Variants in LBHD1 observed in about 807,000 individuals in gnomAD.
LBHD1 encodes LBH domain-containing protein 1.
LBHD1 carries 28 observed loss-of-function variants against 31.1 expected under a neutral mutation model. That is an observed-to-expected ratio of 0.90 (90% CI 0.67 to 1.24). The LOEUF (loss-of-function observed/expected upper bound fraction) is 1.24. LBHD1 is among the 50% of genes most tolerant of loss of function. The probability of loss-of-function intolerance (pLI) is 0.00; values close to 1 mark genes in which losing one functional copy is unlikely to be tolerated. For missense variants in LBHD1, 350 were observed against 323.0 expected (o/e 1.08, Z -0.64); for synonymous variants, 105 against 116.5 (o/e 0.90, Z 0.63).
In LBHD1 at chr11:62,671,863, A is replaced by C. The variant is rs772608580; in HGVS notation, c.-310T>G. On this transcript the variant is annotated 5_prime_UTR_variant, in exon 1 of 7. Coordinates refer to ENST00000354588, the MANE Select transcript of LBHD1 (RefSeq NM_024099.5). ...AGAGCGGCGGAAGCAGGAAATGCTA[A>C]AGGTAGAAGCAACTGGTAGTCCCGA... The C allele has an allele frequency of 1.2e-6, 2 of 1,614,010 alleles. No homozygotes were observed. Among genetic ancestry groups the C allele is most frequent in the Non-Finnish European group, 1.7e-6 (2 of 1,179,990 alleles).
chr11:62,671,341 G>T, intron 1 of LBHD1: 1 of 1,162,160 alleles, frequency 8.6e-7, no homozygotes, highest in Non-Finnish European at 1.1e-6. Flanking sequence ...GCGCTGTGTT[G>T]AAAACGCGCG....
chr11:62,666,649 CT>C (rs753016276), intron 4 of LBHD1: 3 of 1,614,026 alleles, frequency 1.9e-6, no homozygotes, highest in Non-Finnish European at 2.5e-6. Flanking sequence ...TGGGGGTGGA[CT>C]TTTCTCCTGT....
At chr11:62,665,467 A>G in intron 4 of LBHD1, 4 of 1,573,496 alleles carry the variant, frequency 2.5e-6, no homozygotes, top group South Asian at 1.1e-5. Flanking sequence ...CGCTCCCCGT[A>G]ATGTACGGAG....
rs112534450 is a variant in LBHD1, at chr11:62,665,752, G to T, written c.539-779C>A. 2,820 of 1,496,574 alleles carry T rather than the reference G, an allele frequency of 1.9e-3. 48 individuals carry two copies. In the African/African-American group the frequency reaches 0.034, roughly 18 times the overall value. The allele number at this position is 1,496,574 out of a possible 1,614,324, so 92.7% of individuals were successfully genotyped here. A position where few individuals can be genotyped will look rare whatever the true frequency, so the allele number is the denominator to read the frequency against. ...CTTTTTTCCGGGACTGCAGAGTTCG[G>T]GGAAGCTGTACGCCGCCTTTCGCTA... On this transcript the variant is annotated intron_variant, in intron 4 of 6. Coordinates refer to ENST00000354588, the MANE Select transcript of LBHD1 (RefSeq NM_024099.5).
At chr11:62,671,314 G>A (rs755883263) in intron 1 of LBHD1, 1 of 803,140 alleles carries the variant, frequency 1.2e-6, no homozygotes. Context: ...ATGTGTATGT[G>A]TGTAGATGCC....
chr11:62,663,187 T>G (rs597259), intron 6 of LBHD1, 28 bp from the exon 7 acceptor site: 135 of 1,613,774 alleles, frequency 8.4e-5, no homozygotes, highest in South Asian at 5.5e-5. Flanking sequence ...GGAAGTATTA[T>G]CCCAAATAAA....
In LBHD1 at chr11:62,671,600, C is replaced by T. The variant is rs1379608309; in HGVS notation, c.-47G>A. 2 of 1,484,208 alleles carry T rather than the reference C, an allele frequency of 1.3e-6. No homozygotes were observed. Among genetic ancestry groups the T allele is most frequent in the East Asian group, 2.3e-5 (1 of 42,946 alleles). The allele number at this position is 1,484,208 out of a possible 1,614,324, so 91.9% of individuals were successfully genotyped here. On this transcript the variant is annotated 5_prime_UTR_variant, in exon 1 of 7. Transcript: ENST00000354588. ...GCGCTCCGGATTCCAAACGTTTCCTCGAGCAGGTCCTCTCTAGCCGGCCGC... is the reference window on the plus strand; with the variant it reads ...GCGCTCCGGATTCCAAACGTTTCCTTGAGCAGGTCCTCTCTAGCCGGCCGC...
At chr11:62,665,299 C>A (rs1944765620) in intron 4 of LBHD1, 1 of 715,156 alleles carries the variant, frequency 1.4e-6, no homozygotes, top group East Asian at 2.7e-5. Flanking sequence ...AGGAGCTCCG[C>A]GGTGCGGGAG....
At chr11:62,665,368 C>T in intron 4 of LBHD1, 1 of 960,886 alleles carries the variant, frequency 1.0e-6, no homozygotes, top group Non-Finnish European at 1.6e-6. Context: ...CCAGATTGGG[C>T]GGCCGGGAGT....
intron 4 of LBHD1, chr11:62,666,980 G>GT: frequency 1.2e-6 from 2 of 1,614,148 alleles, no homozygotes; most frequent in East Asian, 2.2e-5. Context: ...TGGCTGGACT[G>GT]TGACTGTGCA....
intron 4 of LBHD1, chr11:62,665,976 C>G (rs367863343): frequency 6.3e-7 from 1 of 1,588,054 alleles, no homozygotes; most frequent in Admixed American, 1.7e-5. Flanking sequence ...GTGGAGAGGG[C>G]AAGGTGGGGG....
At position 62,671,763 on chromosome 11, in the gene LBHD1, A is replaced by T; in HGVS notation, c.-210T>A. 6.2e-7 allele frequency: 1 copy of T among 1,613,828 alleles called. No homozygotes were observed. Among genetic ancestry groups the T allele is most frequent in the South Asian group, 1.1e-5 (1 of 91,088 alleles). Reference sequence around the variant, plus strand: ...AGGCGGCCATGGATTCCTTGCGGAAAATGCTGATCTCAGTCGCAATGCTGG... The same window carrying T: ...AGGCGGCCATGGATTCCTTGCGGAATATGCTGATCTCAGTCGCAATGCTGG... On this transcript the variant is annotated 5_prime_UTR_variant, in exon 1 of 7. Coordinates refer to ENST00000354588, the MANE Select transcript of LBHD1 (RefSeq NM_024099.5).
intron 1 of LBHD1, chr11:62,671,095 G>C: frequency 2.9e-6 from 1 of 347,098 alleles, no homozygotes; most frequent in Non-Finnish European, 5.7e-6. Context: ...GCGAGACCTT[G>C]TCTCCAAAAA....
intron 1 of LBHD1, chr11:62,670,782 G>C (rs1026491775): frequency 6.5e-6 from 1 of 152,884 alleles, no homozygotes; most frequent in African/African-American, 2.4e-5. Flanking sequence ...GTGGTGGCGG[G>C]CGCCTGTAGT....
At chr11:62,666,182 C>A in intron 4 of LBHD1, 1 of 709,408 alleles carries the variant, frequency 1.4e-6, no homozygotes, top group Non-Finnish European at 2.3e-6. Context: ...ACCCTGTCTA[C>A]AAAAAAAATT....
At position 62,667,083 on chromosome 11, in the gene LBHD1, C is replaced by G. The variant is rs758116592; in HGVS notation, c.538+440G>C. On this transcript the variant is annotated intron_variant, in intron 4 of 6. Coordinates refer to ENST00000354588, the MANE Select transcript of LBHD1 (RefSeq NM_024099.5). ...TTTAGTAGTCCTGACCCTAGTATTTCTGTGGGCAAGGAGAGGGCTGAAGAA... is the reference window on the plus strand; with the variant it reads ...TTTAGTAGTCCTGACCCTAGTATTTGTGTGGGCAAGGAGAGGGCTGAAGAA... 3.3e-6 allele frequency: 5 copies of G among 1,534,394 alleles called. No individual in the cohort carries two copies. In the Admixed American group the frequency reaches 1.1e-4, roughly 32 times the overall value.
chr11:62,667,734 G>A lies in LBHD1; in HGVS notation c.327C>T (p.Ser109=). ...TTAAAGGACTTCTAGGGTCCTGTGG[G>A]CTCCAAGCCCAGCCTGGGATGGAGG... ...DQSEEPGWAW[S]PQDPRSPLRT... The change falls in exon 4 of 7, where the codon AGC becomes AGT. Residue 109 remains serine, a synonymous_variant. Coordinates refer to ENST00000354588, the MANE Select transcript of LBHD1 (RefSeq NM_024099.5). The A allele has an allele frequency of 1.2e-6, 2 of 1,606,212 alleles. No individual in the cohort carries two copies. The highest frequency in any genetic ancestry group is 2.2e-5 in the South Asian group (2 of 90,946).
rs1275403982 is a variant in LBHD1 at position 62,667,729 on chromosome 11, T to G, written c.332A>C (p.Gln111Pro). ...SEEPGWAWSPQDPRSPLRTFN... is the reference protein window; with the variant it reads ...SEEPGWAWSPPDPRSPLRTFN... ...TGTTCTTAAAGGACTTCTAGGGTCC[T>G]GTGGGCTCCAAGCCCAGCCTGGGAT... The change falls in exon 4 of 7, where the codon CAG becomes CCG. Residue 111 changes from glutamine (Q) to proline (P), a missense_variant. Gln to Pro is a moderately conservative substitution (Grantham distance 76). Transcript: ENST00000354588. 37 of 1,608,552 alleles carry G rather than the reference T, an allele frequency of 2.3e-5. No homozygotes were observed. The Middle Eastern group carries it at 6.6e-4, about 29-fold the overall frequency.
intron 4 of LBHD1, 107 bp downstream of exon 4, chr11:62,667,416 C>G (rs1253501311): frequency 8.5e-7 from 1 of 1,178,856 alleles, no homozygotes; most frequent in Admixed American, 1.9e-5. Context: ...GTGGCCTAAC[C>G]TGTAAGCCTC....
Sources: gnomAD v4.1 joint callset for allele counts on GRCh38, gnomAD v4.1.1 for gene constraint, MANE v1.5 for transcripts, NCBI Gene and HGNC (gene_info 2026-07-23, HGNC 2026-07-21) for gene names.